The following SLC30A10 variants were observed in gnomAD, a reference collection of about 807,000 sequenced individuals.
The protein encoded by SLC30A10 is calcium/manganese antiporter SLC30A10.
In SLC30A10, 8 loss-of-function variants were observed where a neutral mutation model predicts 21.7. The observed-to-expected ratio is 0.37, with a 90% CI of 0.22 to 0.67. SLC30A10 has a LOEUF of 0.67. Ranked by LOEUF, SLC30A10 falls within the 30% of genes least tolerant of loss-of-function variation. The pLI, the probability that SLC30A10 is intolerant of heterozygous loss-of-function variation, is 0.58. For synonymous variants in SLC30A10, 272 were observed against 279.4 expected (o/e 0.97, Z 0.26); for missense variants, 521 against 642.5 (o/e 0.81, Z 2.04).
intron 1 of SLC30A10, among the ~76,000 whole-genome samples, chr1:219,952,679 C>T (rs1197938269): frequency 6.6e-6 from 1 of 152,150 alleles, no homozygotes; most frequent in Non-Finnish European, 1.5e-5. Context: ...TGATATGATG[C>T]TGTTAATTAT....
chr1:219,935,813 T>C (rs957140975), intron 1 of SLC30A10, among the ~76,000 whole-genome samples: 1 of 152,190 alleles, frequency 6.6e-6, no homozygotes, highest in African/African-American at 2.4e-5. Context: ...ATCATGTATG[T>C]CCCCTTAATC....
chr1:219,939,181 A>AG (rs1660084750), intron 1 of SLC30A10, among the ~76,000 whole-genome samples: 1 of 152,176 alleles, frequency 6.6e-6, no homozygotes, highest in South Asian at 2.1e-4. Context: ...GAATTAGATG[A>AG]GACTGGGGAC....
intron 1 of SLC30A10, among the ~76,000 whole-genome samples, chr1:219,949,772 A>AAAAAT (rs1456394781): frequency 2.0e-5 from 3 of 151,566 alleles, no homozygotes; most frequent in African/African-American, 7.2e-5. Context: ...AAAATAAAAT[A>AAAAAT]AAAATAAAAA....
At chr1:219,930,676 C>G (rs1228884849), upstream of SLC30A10, among the ~76,000 whole-genome samples, 1 of 152,162 alleles carries the variant, frequency 6.6e-6, no homozygotes, top group African/African-American at 2.4e-5. Flanking sequence ...AGGAAAATAT[C>G]CTTATATTGA....
chr1:219,918,391 G>A lies in SLC30A10; in HGVS notation c.822C>T (p.Asn274=), dbSNP rs1485575800. Residue 274 remains asparagine, a synonymous_variant, in exon 3 of 4, where the codon AAC becomes AAT. Coordinates refer to ENST00000366926, the MANE Select transcript of SLC30A10 (RefSeq NM_018713.3). This position sits in a 1 kb window ranked among gnomAD's most constrained non-coding sequence, Gnocchi z 4.4. ...GGCTGGGGTCAATGTAACACTGCCA[G>A]TTACACGGGTCCTCACTCTTCAGGG... is the stretch of plus-strand genomic sequence containing the variant. ...VLPLKSEDPC[N]WQCYIDPSLT... is the part of the protein sequence containing the mutation. The A allele has an allele frequency of 6.2e-7, 1 of 1,614,116 alleles. No homozygotes were observed. The highest frequency in any genetic ancestry group is 1.3e-5 in the African/African-American group (1 of 75,034).
At chr1:219,951,184 C>T (rs112787371) in intron 1 of SLC30A10, among the ~76,000 whole-genome samples, 5,602 of 151,942 alleles carry the variant, frequency 0.037, 274 homozygotes, top group African/African-American at 0.11. Flanking sequence ...TGGTCTCAAA[C>T]TCCTGGGCTC....
At chr1:219,953,896 T>A (rs11118466) in intron 1 of SLC30A10, among the ~76,000 whole-genome samples, 3 of 150,870 alleles carry the variant, frequency 2.0e-5, no homozygotes, top group Non-Finnish European at 4.4e-5. Flanking sequence ...TTAGTAGAGA[T>A]GGGGTTTCAC....
In SLC30A10 at chr1:219,927,991, G is replaced by A; in HGVS notation, c.450C>T (p.Arg150=). 6.4e-7 allele frequency: 1 copy of A among 1,553,860 alleles called. No homozygotes were observed. The highest frequency in any genetic ancestry group is 1.2e-5 in the South Asian group (1 of 84,216). ...WFACCLRGRS[R]RLQQRQQLAE... Reference sequence around the variant, plus strand: ...CCAGCTGCTGCCGCTGCTGCAGGCGGCGACTGCGTCCCCGGAGGCAGCACG... The same window carrying A: ...CCAGCTGCTGCCGCTGCTGCAGGCGACGACTGCGTCCCCGGAGGCAGCACG... Residue 150 remains arginine (R), a synonymous_variant, in exon 1 of 4, where the codon CGC becomes CGT. Coordinates refer to ENST00000366926, the MANE Select transcript of SLC30A10 (RefSeq NM_018713.3).
chr1:219,952,716 C>A lies in SLC30A10; in HGVS notation n.80+5852G>T, dbSNP rs549290670. 9.9e-5 allele frequency among the ~76,000 whole-genome samples: 15 copies of A among 152,224 alleles called. No individual in the cohort carries two copies. The South Asian group carries it at 3.1e-3, about 32-fold the overall frequency. ...CTCTCTATACTCTGACAAAGACTGA[C>A]AATGCACAGATGTCAATATAAACTC... On this transcript the variant is annotated intron_variant and non_coding_transcript_variant, in intron 1 of 8. Coordinates refer to the SLC30A10 transcript ENST00000484239.
intron 1 of SLC30A10, among the ~76,000 whole-genome samples, chr1:219,953,829 C>T (rs1044530539): frequency 1.3e-5 from 2 of 151,642 alleles, no homozygotes; most frequent in Non-Finnish European, 2.9e-5. Context: ...GCCTCAGCCT[C>T]CCGAGTAGCT....
chr1:219,932,306 G>T (rs1659980254), upstream of SLC30A10, among the ~76,000 whole-genome samples: 1 of 152,176 alleles, frequency 6.6e-6, no homozygotes, highest in Admixed American at 6.6e-5. Context: ...CTAAACAAAT[G>T]AAATGGTTTT....
intron 1 of SLC30A10, among the ~76,000 whole-genome samples, chr1:219,937,994 T>C (rs1660069553): frequency 6.6e-6 from 1 of 152,178 alleles, no homozygotes; most frequent in Admixed American, 6.5e-5. Flanking sequence ...TATCTGAAAA[T>C]TTCTTCTGTC....
intron 1 of SLC30A10, among the ~76,000 whole-genome samples, chr1:219,942,997 A>C (rs1660140435): frequency 6.6e-6 from 1 of 152,190 alleles, no homozygotes; most frequent in African/African-American, 2.4e-5. Flanking sequence ...ATGAGCTGAG[A>C]TCATGCCACT....
chr1:219,922,195 T>TGG (rs1558252160), intron 2 of SLC30A10, among the ~76,000 whole-genome samples: 2 of 27,898 alleles, frequency 7.2e-5, no homozygotes, highest in Admixed American at 3.2e-4. Flanking sequence ...TTTTTTTTTT[T>TGG]TTTTTTTTTT....
At chr1:219,926,600 T>A (rs1659832474) in intron 2 of SLC30A10, among the ~76,000 whole-genome samples, 1 of 152,192 alleles carries the variant, frequency 6.6e-6, no homozygotes, top group South Asian at 2.1e-4. Flanking sequence ...AGCAGATTTC[T>A]GGCAGAAATA....
In SLC30A10 at chr1:219,910,769, C is replaced by A. The variant is rs1249898223; in HGVS notation, c.*4680G>T. Among the ~76,000 whole-genome samples the A allele has an allele frequency of 6.6e-6, 1 of 152,152 alleles. No homozygotes were observed. The highest frequency in any genetic ancestry group is 1.5e-5 in the Non-Finnish European group (1 of 68,032). ...AGAGTAGGTGCAGTGTCTGGCATGG[C>A]TTTGTACTAAGAGGTGACAGTTGAT... is the stretch of plus-strand genomic sequence containing the variant. On this transcript the variant is annotated 3_prime_UTR_variant, in exon 4 of 4. Transcript: ENST00000366926.
chr1:219,930,422 G>T (rs894786731), upstream of SLC30A10, among the ~76,000 whole-genome samples: 1 of 152,182 alleles, frequency 6.6e-6, no homozygotes, highest in Non-Finnish European at 1.5e-5. Context: ...GCAGTGAGTC[G>T]TGGTGGTGCC....
At chr1:219,933,747 G>A (rs908049773) in intron 1 of SLC30A10, among the ~76,000 whole-genome samples, 1 of 152,196 alleles carries the variant, frequency 6.6e-6, no homozygotes, top group Non-Finnish European at 1.5e-5. Context: ...GATTCGCTAA[G>A]GATTACTTTT....
At chr1:219,925,653 T>TATATATATATATATATATATA (rs1558253395) in intron 2 of SLC30A10, among the ~76,000 whole-genome samples, 23 of 46,110 alleles carry the variant, frequency 5.0e-4, no homozygotes, top group Admixed American at 1.2e-3. Flanking sequence ...ATATATATAT[T>TATATATATATATATATATATA]TTTTTTTTTT....
Sources: gnomAD v4.1 joint callset for allele counts (sites outside exome capture counted in the v4.1 genomes callset) on GRCh38, gnomAD v4.1.1 for gene constraint, Gnocchi (gnomAD v3.1) non-coding constraint, MANE v1.5 for transcripts, NCBI Gene and HGNC (gene_info 2026-07-23, HGNC 2026-07-21) for gene names.